The following TBC1D5 variants were observed in gnomAD, a reference collection of about 807,000 sequenced individuals.
TBC1D5 encodes the protein TBC1 domain family, member 5.
TBC1D5 carries 75 observed loss-of-function variants against 100.3 expected under a neutral mutation model. The observed-to-expected ratio is 0.75, with a 90% CI of 0.62 to 0.91. The LOEUF is 0.91. Among genes scored for constraint, TBC1D5 ranks in the 40% least tolerant of loss-of-function variants. The pLI is 0.00. For synonymous variants in TBC1D5, 323 were observed against 325.6 expected, an observed-to-expected ratio of 0.99 and a Z score of 0.09; for missense variants, 910 against 942.4, an observed-to-expected ratio of 0.97 and a Z score of 0.45.
At chr3:17,183,309 T>A (rs2068656276) in intron 19 of TBC1D5, among the ~76,000 whole-genome samples, 1 of 152,162 alleles carries the variant, frequency 6.6e-6, no homozygotes, top group Non-Finnish European at 1.5e-5. Flanking sequence ...TGAGGTGGTA[T>A]CTTTAAGGGC....
Position 17,280,438 on chromosome 3 carries a change from A to G in TBC1D5, c.1245+11457T>C, listed in dbSNP as rs549873835. ...TCCAAAACCACCCACGGCCTGCCCCACTCCTCATCCCATGCCAATAAAAAA... is the reference window on the plus strand; with the variant it reads ...TCCAAAACCACCCACGGCCTGCCCCGCTCCTCATCCCATGCCAATAAAAAA... On this transcript the variant is annotated intron_variant, in intron 15 of 21. Coordinates refer to ENST00000253692, the Ensembl canonical transcript of TBC1D5. Among the ~76,000 whole-genome samples the G allele has an allele frequency of 3.3e-5, 5 of 151,910 alleles. No homozygotes were observed. The East Asian group carries it at 9.7e-4, about 29-fold the overall frequency.
At chr3:17,637,936 T>C (rs2064115880) in intron 1 of TBC1D5, among the ~76,000 whole-genome samples, 1 of 152,210 alleles carries the variant, frequency 6.6e-6, no homozygotes, top group South Asian at 2.1e-4. Flanking sequence ...CAACATTACT[T>C]ATTGGAAACA....
chr3:17,530,694 A>C (rs1358774902), intron 2 of TBC1D5, among the ~76,000 whole-genome samples: 1 of 152,198 alleles, frequency 6.6e-6, no homozygotes, highest in Non-Finnish European at 1.5e-5. Context: ...AAAATCAATA[A>C]ACATAATCCA....
At chr3:17,363,956 T>C (rs1039582869) in intron 13 of TBC1D5, among the ~76,000 whole-genome samples, 1 of 149,550 alleles carries the variant, frequency 6.7e-6, no homozygotes, top group South Asian at 2.1e-4. Flanking sequence ...TTGAATTTTA[T>C]TGGACTAATT....
chr3:17,374,418 G>T, intron 12 of TBC1D5, 53 bp downstream of exon 12: 1 of 1,509,794 alleles, frequency 6.6e-7, no homozygotes, highest in South Asian at 1.2e-5. Context: ...GTTATTTATT[G>T]AAAGCATTTG....
intron 2 of TBC1D5, among the ~76,000 whole-genome samples, chr3:17,604,238 G>T (rs2061189817): frequency 6.6e-6 from 1 of 152,170 alleles, no homozygotes; most frequent in Non-Finnish European, 1.5e-5. Context: ...GGGATTACAT[G>T]CAGGAGCCAC....
intron 15 of TBC1D5, among the ~76,000 whole-genome samples, chr3:17,289,150 C>T (rs906183077): frequency 2.6e-5 from 4 of 152,212 alleles, no homozygotes; most frequent in African/African-American, 7.2e-5. Flanking sequence ...GCAAGCCCCG[C>T]ATGGAGTCTG....
chr3:17,738,227 T>A (rs2077116877), intron 1 of TBC1D5, among the ~76,000 whole-genome samples: 1 of 152,256 alleles, frequency 6.6e-6, no homozygotes, highest in Non-Finnish European at 1.5e-5. Flanking sequence ...CTCTGCTTTC[T>A]TGGCCCATAG....
At chr3:17,226,734 G>A (rs1238339052) in intron 17 of TBC1D5, among the ~76,000 whole-genome samples, 1 of 152,088 alleles carries the variant, frequency 6.6e-6, no homozygotes, top group African/African-American at 2.4e-5. Context: ...CACTCCCCAG[G>A]TACTGATCTC....
chr3:17,332,309 G>A (rs1425705982), intron 13 of TBC1D5, among the ~76,000 whole-genome samples: 2 of 152,188 alleles, frequency 1.3e-5, no homozygotes, highest in Non-Finnish European at 2.9e-5. Context: ...CAAGTAAGTG[G>A]ATGCTGGTGT....
intron 13 of TBC1D5, among the ~76,000 whole-genome samples, chr3:17,312,655 C>T (rs1320316694): frequency 6.6e-6 from 1 of 152,184 alleles, no homozygotes; most frequent in Non-Finnish European, 1.5e-5. Context: ...CTCTTCCTTT[C>T]AGAGGGCAGT....
chr3:17,492,769 T>C (rs2095655239), intron 3 of TBC1D5, among the ~76,000 whole-genome samples: 1 of 152,228 alleles, frequency 6.6e-6, no homozygotes, highest in African/African-American at 2.4e-5. Context: ...TTCAGCTGCG[T>C]CCCAGAGATT....
At chr3:17,415,081 T>C (rs1194432322) in intron 4 of TBC1D5, among the ~76,000 whole-genome samples, 1 of 152,190 alleles carries the variant, frequency 6.6e-6, no homozygotes, top group Non-Finnish European at 1.5e-5. Context: ...TTCACCTTAG[T>C]TTTCACAGGA....
At chr3:17,364,236 T>C (rs1227892533) in intron 13 of TBC1D5, among the ~76,000 whole-genome samples, 15 of 152,204 alleles carry the variant, frequency 9.9e-5, no homozygotes, top group Admixed American at 9.8e-4. Flanking sequence ...CCATATCATA[T>C]TTTGAATAAT....
chr3:17,211,024 T>C (rs1282422519), intron 18 of TBC1D5, among the ~76,000 whole-genome samples: 1 of 152,210 alleles, frequency 6.6e-6, no homozygotes, highest in East Asian at 1.9e-4. Flanking sequence ...TAAAATATGA[T>C]TTTTGTTTTC....
intron 1 of TBC1D5, among the ~76,000 whole-genome samples, chr3:17,725,855 C>CCT (rs530093500): frequency 1.1e-3 from 166 of 152,238 alleles, no homozygotes; most frequent in Non-Finnish European, 6.3e-4. Flanking sequence ...TGATCATCTC[C>CCT]CTCCTCCTCC....
At chr3:17,251,082 A>T (rs1271118727) in intron 16 of TBC1D5, among the ~76,000 whole-genome samples, 1 of 152,194 alleles carries the variant, frequency 6.6e-6, no homozygotes, top group African/African-American at 2.4e-5. Flanking sequence ...GTCACCAATG[A>T]GGGAGTACGA....
At chr3:17,349,166 T>C (rs1393625940) in intron 13 of TBC1D5, among the ~76,000 whole-genome samples, 3 of 152,208 alleles carry the variant, frequency 2.0e-5, no homozygotes, top group Non-Finnish European at 4.4e-5. Context: ...TGTCCCACAA[T>C]GTTTTATTTT....
At chr3:17,681,984 A>C (rs1245750131) in intron 1 of TBC1D5, among the ~76,000 whole-genome samples, 1 of 151,592 alleles carries the variant, frequency 6.6e-6, no homozygotes, top group Admixed American at 6.6e-5. Flanking sequence ...CCTTATGAGA[A>C]TCTAACTAAT....
Sources: gnomAD v4.1 joint callset for allele counts (sites outside exome capture counted in the v4.1 genomes callset) on GRCh38, gnomAD v4.1.1 for gene constraint, MANE v1.5 for transcripts, NCBI Gene and HGNC (gene_info 2026-07-23, HGNC 2026-07-21) for gene names.